The following MARCHF6 variants were observed in gnomAD, a reference collection of about 807,000 sequenced individuals.
MARCHF6 encodes E3 ubiquitin-protein ligase MARCHF6.
MARCHF6 carries 31 observed loss-of-function variants against 133.7 expected under a neutral mutation model. That is an observed-to-expected ratio of 0.23 (90% CI 0.17 to 0.31). The LOEUF is 0.31. MARCHF6 is among the 10% of genes least tolerant of loss of function. The pLI is 1.00. For synonymous variants in MARCHF6, 395 were observed against 402.5 expected (o/e 0.98, Z 0.22); for missense variants, 723 against 1,121.6 (o/e 0.64, Z 5.08).
intron 25 of MARCHF6, among the ~76,000 whole-genome samples, chr5:10,432,899 CTTTTT>C (rs752051489): frequency 7.3e-6 from 1 of 136,220 alleles, no homozygotes; most frequent in Non-Finnish European, 1.6e-5. Flanking sequence ...TCCCTTCCTA[CTTTTT>C]TTTTTTTTTT....
intron 4 of MARCHF6, among the ~76,000 whole-genome samples, chr5:10,383,207 G>A (rs1490898548): frequency 6.6e-6 from 1 of 152,162 alleles, no homozygotes; most frequent in Non-Finnish European, 1.5e-5. Context: ...ATGTATCAAG[G>A]AATTCTCCCA....
rs144846540 is a variant in MARCHF6 at position 10,390,479 on chromosome 5, T to C, written c.555T>C (p.Ala185=). 8.1e-6 allele frequency: 13 copies of C among 1,613,402 alleles called. No individual in the cohort carries two copies. The African/African-American group carries it at 1.3e-4, about 17-fold the overall frequency. ...AGCATGCTGCCCCACCGTTCAATGC[T>C]GCGGGGCATCACCAAAATGAGGTAA... is the stretch of plus-strand genomic sequence containing the variant. ...WLEHAAPPFN[A]AGHHQNEAPA... Residue 185 remains alanine (A), a synonymous_variant, in exon 6 of 26, where the codon GCT becomes GCC. Coordinates refer to ENST00000274140, the MANE Select transcript of MARCHF6 (RefSeq NM_005885.4).
chr5:10,418,851 T>G (rs1335387735), intron 22 of MARCHF6, among the ~76,000 whole-genome samples: 1 of 152,058 alleles, frequency 6.6e-6, no homozygotes, highest in Non-Finnish European at 1.5e-5. Context: ...TGTTGTGTGG[T>G]GTGATTAGGG....
At chr5:10,429,777 C>T in intron 24 of MARCHF6, 116 bp from the exon 25 acceptor site, 1 of 791,974 alleles carries the variant, frequency 1.3e-6, no homozygotes, top group Non-Finnish European at 2.1e-6. Context: ...GTTAACAGAC[C>T]TGGGGCTTAG....
At position 10,425,041 on chromosome 5, in the gene MARCHF6, CAGTGCCACAT is replaced by C. The variant is rs138241573; in HGVS notation, c.2373+1219_2373+1228del. ...GTGGGGACCCCTCTTATCCTTAGGC[CAGTGCCACAT>C]AAGTAAGACATAACAGTTCTGCAGC... On this transcript the variant is annotated intron_variant, in intron 23 of 25. Transcript: ENST00000274140. 6.2e-3 allele frequency among the ~76,000 whole-genome samples: 943 copies of C among 152,238 alleles called. 13 individuals are homozygous for C. The highest frequency in any genetic ancestry group is 0.021 in the African/African-American group (882 of 41,526).
At chr5:10,400,352 G>T (rs765638587) in intron 10 of MARCHF6, among the ~76,000 whole-genome samples, 7 of 152,112 alleles carry the variant, frequency 4.6e-5, no homozygotes, top group South Asian at 4.1e-4. Flanking sequence ...ATAAGGAATT[G>T]GTGTATTAAC....
intron 1 of MARCHF6, among the ~76,000 whole-genome samples, chr5:10,356,343 ATTTATTTTAT>A (rs56348470): frequency 0.03 from 3,059 of 101,446 alleles, 59 homozygotes; most frequent in East Asian, 0.075. Flanking sequence ...TCTGTTTTTT[ATTTATTTTAT>A]TTTATTTTAT....
Position 10,402,213 on chromosome 5 carries a change from C to T in MARCHF6, c.1053+74C>T. ...AAAGAACTCTTCATTAATGGCGAAA[C>T]TTGTCTATCCTTGTCCTCTTAGTAA... On this transcript the variant is annotated intron_variant, in intron 12 of 25. Transcript: ENST00000274140. 4.5e-6 allele frequency: 5 copies of T among 1,110,358 alleles called. No homozygotes were observed. The South Asian group carries it at 6.7e-5, about 15-fold the overall frequency. 68.8% of individuals were successfully genotyped at this position (1,110,358 alleles called of 1,614,324 possible).
intron 23 of MARCHF6, among the ~76,000 whole-genome samples, chr5:10,424,894 T>TAA (rs561870013): frequency 3.7e-4 from 57 of 152,350 alleles, no homozygotes; most frequent in African/African-American, 1.3e-3. Context: ...GACTGTGCTT[T>TAA]AGCACTCCGA....
intron 1 of MARCHF6, among the ~76,000 whole-genome samples, chr5:10,365,572 G>A (rs1330117017): frequency 2.6e-5 from 4 of 152,056 alleles, no homozygotes; most frequent in African/African-American, 9.7e-5. Context: ...GATTACAGGC[G>A]TGAGCCACTG....
At chr5:10,391,466 G>A (rs1231569495) in intron 6 of MARCHF6, 76 bp from the exon 7 acceptor site, 2 of 116,752 alleles carry the variant, frequency 1.7e-5, no homozygotes, top group South Asian at 3.0e-4. Flanking sequence ...TTTTTTTTTA[G>A]CAGGAATAAT....
At chr5:10,424,629 C>G (rs1739992025) in intron 23 of MARCHF6, among the ~76,000 whole-genome samples, 1 of 152,256 alleles carries the variant, frequency 6.6e-6, no homozygotes, top group Middle Eastern at 3.4e-3. Flanking sequence ...TATCTAGAAC[C>G]CTGTTCATAG....
Position 10,391,436 on chromosome 5 carries a change from GTTTTTTTTTTTTTTT to G in MARCHF6, c.577-92_577-78del, listed in dbSNP as rs35378319. ...GCATGAGCCACTACACCTGGCCTAG[GTTTTTTTTTTTTTTT>G]TTTTTTTTTTTTTAGCAGGAATAAT... On this transcript the variant is annotated intron_variant, in intron 6 of 25. Transcript: ENST00000274140. 1.3e-5 allele frequency: 4 copies of G among 306,378 alleles called. No homozygotes were observed. In the African/African-American group the frequency reaches 1.6e-4, roughly 12 times the overall value. 19.0% of individuals were successfully genotyped at this position (306,378 alleles called of 1,614,324 possible). A position where few individuals can be genotyped will look rare whatever the true frequency, so the allele number is the denominator to read the frequency against.
chr5:10,424,166 G>A (rs765929113), intron 23 of MARCHF6, among the ~76,000 whole-genome samples: 18 of 152,074 alleles, frequency 1.2e-4, no homozygotes, highest in African/African-American at 2.4e-4. Flanking sequence ...GAATTCCAAC[G>A]AATCTTCAAC....
intron 4 of MARCHF6, among the ~76,000 whole-genome samples, chr5:10,385,764 C>T (rs1488441607): frequency 6.6e-6 from 1 of 152,126 alleles, no homozygotes; most frequent in Non-Finnish European, 1.5e-5. Context: ...CACCAGAAAG[C>T]TGGGCCTTGA....
chr5:10,356,349 T>TTATG (rs1735461378), intron 1 of MARCHF6, among the ~76,000 whole-genome samples: 2 of 92,884 alleles, frequency 2.2e-5, no homozygotes, highest in South Asian at 3.6e-4. Flanking sequence ...TTTTATTTAT[T>TTATG]TTATTTTATT....
chr5:10,392,404 C>T (rs1281337138), intron 7 of MARCHF6, among the ~76,000 whole-genome samples: 1 of 152,180 alleles, frequency 6.6e-6, no homozygotes, highest in African/African-American at 2.4e-5. Flanking sequence ...AGTGCAATTT[C>T]TAAGATTGAA....
rs535926590 is a variant in MARCHF6, at chr5:10,357,249, A to G, written c.19+3332A>G. Reference sequence around the variant, plus strand: ...TTTTTTTTAAAGGAAAAGCAGTACAATATTGGAATAGATGTTGCAAGTGTT... The same window carrying G: ...TTTTTTTTAAAGGAAAAGCAGTACAGTATTGGAATAGATGTTGCAAGTGTT... On this transcript the variant is annotated intron_variant, in intron 1 of 25. Transcript: ENST00000274140. Among the ~76,000 whole-genome samples, 34 of 151,334 alleles carry G rather than the reference A, an allele frequency of 2.2e-4. 1 individual carries two copies. Among genetic ancestry groups the G allele is most frequent in the African/African-American group, 7.0e-4 (29 of 41,210 alleles).
Position 10,411,390 on chromosome 5 carries a change from A to G in MARCHF6, c.1749A>G (p.Gln583=), listed in dbSNP as rs1275366404. 6.2e-7 allele frequency: 1 copy of G among 1,614,132 alleles called. No individual in the cohort carries two copies. Among genetic ancestry groups the G allele is most frequent in the Admixed American group, 1.7e-5 (1 of 60,012 alleles). The change falls in exon 19 of 26, where the codon CAA becomes CAG. Residue 583 remains glutamine, a synonymous_variant. Transcript: ENST00000274140. ...AAGAAAATGAAAACAGTGCAAATCA[A>G]CAAGTTAACAATAATCAGCATGCTC... ...DQEENENSAN[Q]QVNNNQHARN...
Sources: gnomAD v4.1 joint callset for allele counts (sites outside exome capture counted in the v4.1 genomes callset) on GRCh38, gnomAD v4.1.1 for gene constraint, MANE v1.5 for transcripts, NCBI Gene and HGNC (gene_info 2026-07-23, HGNC 2026-07-21) for gene names.